PIGG: variants seen among roughly 807,000 people sequenced by gnomAD.
PIGG encodes GPI ethanolamine phosphate transferase 2, catalytic subunit.
A neutral mutation model predicts 83.2 loss-of-function variants in PIGG; 70 were observed. The ratio of observed to expected loss-of-function variants is 0.84; its 90% CI spans 0.69 to 1.03. The LOEUF (loss-of-function observed/expected upper bound fraction) is 1.03, where lower values mean the gene tolerates loss of function less well. PIGG is among the 50% of genes least tolerant of loss of function. The pLI, the probability that PIGG is intolerant of heterozygous loss-of-function variation, is 0.00. For missense variants in PIGG, 1,257 were observed against 1,233.6 expected, an observed-to-expected ratio of 1.02 and a Z score of -0.28; for synonymous variants, 532 against 519.5, an observed-to-expected ratio of 1.02 and a Z score of -0.33.
chr4:512,607 A>G lies in PIGG; in HGVS notation c.902-3366A>G, dbSNP rs572271022. Among the ~76,000 whole-genome samples, 933 of 151,972 alleles carry G rather than the reference A, an allele frequency of 6.1e-3. 5 individuals are homozygous for G. The highest frequency in any genetic ancestry group is 0.013 in the African/African-American group (530 of 41,468). On this transcript the variant is annotated intron_variant, in intron 5 of 12. Transcript: ENST00000453061. ...CAAGGCGGGTGGATCACAAGGGCAG[A>G]AGTTCGAGACCAGCCTGACCAACAC...
chr4:523,480 A>C lies in PIGG; in HGVS notation c.1636A>C (p.Arg546=). The change falls in exon 9 of 13, where the codon AGG becomes CGG. Residue 546 remains arginine, a synonymous_variant. Coordinates refer to ENST00000453061, the MANE Select transcript of PIGG (RefSeq NM_001127178.3). The part of the protein sequence containing the change: ...PRKNPMHPSS[R]WSELDLLILL... ...ACAGAACCCCATGCATCCCAGCTCAAGGTGGTCAGAGCTAGACCTTCTTAT... is the reference window on the plus strand; with the variant it reads ...ACAGAACCCCATGCATCCCAGCTCACGGTGGTCAGAGCTAGACCTTCTTAT... 6.2e-7 allele frequency: 1 copy of C among 1,610,178 alleles called. No individual in the cohort carries two copies. The highest frequency in any genetic ancestry group is 8.5e-7 in the Non-Finnish European group (1 of 1,177,158).
At position 515,325 on chromosome 4, in the gene PIGG, G is replaced by T. The variant is rs962754038; in HGVS notation, c.902-648G>T. Among the ~76,000 whole-genome samples the T allele has an allele frequency of 6.6e-6, 1 of 152,208 alleles. No homozygotes were observed. The highest frequency in any genetic ancestry group is 1.5e-5 in the Non-Finnish European group (1 of 68,042). ...GGCAGAGCAGTGGCCTAGGCCCATG[G>T]TGCTGACATCACAGCCATTCTTGCA... On this transcript the variant is annotated intron_variant, in intron 5 of 12. Coordinates refer to ENST00000453061, the MANE Select transcript of PIGG (RefSeq NM_001127178.3). This position sits in a 1 kb window ranked among gnomAD's most constrained non-coding sequence, Gnocchi z 4.2.
intron 2 of PIGG, among the ~76,000 whole-genome samples, chr4:501,400 G>C (rs1717680381): frequency 6.6e-6 from 1 of 152,252 alleles, no homozygotes; most frequent in African/African-American, 2.4e-5. Context: ...AAGCCTGGCT[G>C]AGGAAATTGC....
intron 5 of PIGG, among the ~76,000 whole-genome samples, chr4:512,633 G>A (rs1268832315): frequency 2.0e-5 from 3 of 151,788 alleles, no homozygotes; most frequent in Admixed American, 6.6e-5. Context: ...TGACCAACAC[G>A]GTGAAACCCC....
At position 513,056 on chromosome 4, in the gene PIGG, G is replaced by C. The variant is rs1218770935; in HGVS notation, c.902-2917G>C. ...CCCACTGGGCTAGGAGGGGGAGGGA[G>C]GGAGCAGGCCACGGTTCAAGGGCTG... On this transcript the variant is annotated intron_variant, in intron 5 of 12. Transcript: ENST00000453061. Among the ~76,000 whole-genome samples, 4 of 152,180 alleles carry C rather than the reference G, an allele frequency of 2.6e-5. 1 individual carries two copies.
chr4:523,930 G>A lies in PIGG; in HGVS notation c.2069+17G>A, dbSNP rs1033451347. ...GCTCACCAGGTGAGAGCGTAGGCCCGTGGCCACAGGCCAGACTTTCTACGG... is the reference window on the plus strand; with the variant it reads ...GCTCACCAGGTGAGAGCGTAGGCCCATGGCCACAGGCCAGACTTTCTACGG... On this transcript the variant is annotated intron_variant, in intron 9 of 12. Coordinates refer to ENST00000453061, the MANE Select transcript of PIGG (RefSeq NM_001127178.3). The A allele has an allele frequency of 1.3e-5, 19 of 1,462,238 alleles. No homozygotes were observed. The highest frequency in any genetic ancestry group is 4.1e-5 in the South Asian group (3 of 73,726). The allele number at this position is 1,462,238 out of a possible 1,614,324, so 90.6% of individuals were successfully genotyped here.
chr4:525,940 C>G (rs889065958), intron 9 of PIGG: 1 of 152,222 alleles, frequency 6.6e-6, no homozygotes, highest in African/African-American at 2.4e-5. Context: ...TGTCAGGGAG[C>G]TCCGTGTCCC....
intron 6 of PIGG, among the ~76,000 whole-genome samples, chr4:520,597 G>A (rs139536945): frequency 7.4e-4 from 112 of 152,360 alleles, no homozygotes; most frequent in Non-Finnish European, 6.5e-4. Flanking sequence ...GGGTCAGGCC[G>A]CTGCCTGCCC....
At chr4:514,673 C>T (rs900188812) in intron 5 of PIGG, among the ~76,000 whole-genome samples, 1 of 152,270 alleles carries the variant, frequency 6.6e-6, no homozygotes, top group African/African-American at 2.4e-5. Context: ...ATCGATTCAC[C>T]TTCAAAACTG....
intron 10 of PIGG, 141 bp downstream of exon 10, chr4:527,371 T>C: frequency 2.2e-6 from 3 of 1,391,392 alleles, no homozygotes; most frequent in Non-Finnish European, 2.8e-6. Flanking sequence ...GTTTGGTGTT[T>C]GTGAATTGTG....
intron 6 of PIGG, among the ~76,000 whole-genome samples, chr4:516,918 G>C (rs1284709055): frequency 6.6e-6 from 1 of 151,944 alleles, no homozygotes; most frequent in African/African-American, 2.4e-5. Context: ...TGAAGCGGGT[G>C]GGGGAGCCAC....
chr4:515,828 A>G lies in PIGG; in HGVS notation c.902-145A>G. 1.5e-6 allele frequency: 1 copy of G among 668,280 alleles called. No homozygotes were observed. Among genetic ancestry groups the G allele is most frequent in the Admixed American group, 2.4e-5 (1 of 40,946 alleles). 41.4% of individuals were successfully genotyped at this position (668,280 alleles called of 1,614,324 possible). On this transcript the variant is annotated intron_variant, in intron 5 of 12. Transcript: ENST00000453061. This position sits in a 1 kb window ranked among gnomAD's most constrained non-coding sequence, Gnocchi z 4.2. ...TAACTATCAACACAGCAAGCACAGG[A>G]GGTGATTCCTGTACGATTCTGTGTT...
intron 5 of PIGG, among the ~76,000 whole-genome samples, chr4:514,117 A>G (rs1373006100): frequency 6.6e-6 from 1 of 152,254 alleles, no homozygotes; most frequent in Non-Finnish European, 1.5e-5. Flanking sequence ...TCACAGTCGT[A>G]TAATAAACCC....
At chr4:511,975 C>T (rs564010569) in intron 5 of PIGG, among the ~76,000 whole-genome samples, 372 of 152,168 alleles carry the variant, frequency 2.4e-3, no homozygotes, top group African/African-American at 8.6e-3. Flanking sequence ...AATTGGGTTT[C>T]CCATTTCTTT....
intron 11 of PIGG, 45 bp downstream of exon 11, chr4:530,790 A>G (rs768391301): frequency 3.1e-6 from 4 of 1,286,828 alleles, no homozygotes; most frequent in Non-Finnish European, 4.4e-6. Flanking sequence ...CATGTTTTAC[A>G]TATTTATTTT....
In PIGG at chr4:528,153, TAGGC is replaced by T. The variant is rs1378667106; in HGVS notation, c.2261+926_2261+929del. On this transcript the variant is annotated intron_variant, in intron 10 of 12. Coordinates refer to ENST00000453061, the MANE Select transcript of PIGG (RefSeq NM_001127178.3). The surrounding 1 kb of genome is among the most constrained non-coding windows in gnomAD (Gnocchi z 4.8). ...CTCTGCAGAGGGGTCTTCTGGCTGT[TAGGC>T]AGCCTATTTTCACAGAACAGAGAAG... 3.0e-6 allele frequency: 3 copies of T among 985,184 alleles called. No homozygotes were observed. The highest frequency in any genetic ancestry group is 3.6e-6 in the Non-Finnish European group (3 of 829,878). The allele number at this position is 985,184 out of a possible 1,614,324, so 61.0% of individuals were successfully genotyped here.
chr4:505,597 C>T, intron 2 of PIGG, 121 bp from the exon 3 acceptor site: 1 of 666,802 alleles, frequency 1.5e-6, no homozygotes, highest in Non-Finnish European at 2.6e-6. Context: ...TGCATGACTG[C>T]ACTCCATCCT....
At position 526,020 on chromosome 4, in the gene PIGG, C is replaced by T. The variant is rs565591909; in HGVS notation, c.2070-1019C>T. On this transcript the variant is annotated intron_variant, in intron 9 of 12. Transcript: ENST00000453061. Reference sequence around the variant, plus strand: ...AAAGCATTAGGAAAGAATTGGCTGGCTTTCCGCCCCACATGCAAGAGCCAC... The same window carrying T: ...AAAGCATTAGGAAAGAATTGGCTGGTTTTCCGCCCCACATGCAAGAGCCAC... Among the ~76,000 whole-genome samples, 20 of 152,150 alleles carry T rather than the reference C, an allele frequency of 1.3e-4. No homozygotes were observed. In the South Asian group the frequency reaches 3.3e-3, roughly 25 times the overall value.
Position 515,023 on chromosome 4 carries a change from C to T in PIGG, c.902-950C>T, listed in dbSNP as rs1040264631. ...TTCTTTCTAAGCATGACCTAGAAGCCGTCATTAGAGAGTTGGCCAAGACCT... is the reference window on the plus strand; with the variant it reads ...TTCTTTCTAAGCATGACCTAGAAGCTGTCATTAGAGAGTTGGCCAAGACCT... On this transcript the variant is annotated intron_variant, in intron 5 of 12. Transcript: ENST00000453061. The surrounding 1 kb of genome is among the most constrained non-coding windows in gnomAD (Gnocchi z 4.2). 1.6e-4 allele frequency among the ~76,000 whole-genome samples: 25 copies of T among 152,280 alleles called. No individual in the cohort carries two copies. The highest frequency in any genetic ancestry group is 3.9e-4 in the East Asian group (2 of 5,188).
Sources: gnomAD v4.1 joint callset for allele counts (sites outside exome capture counted in the v4.1 genomes callset) on GRCh38, gnomAD v4.1.1 for gene constraint, Gnocchi (gnomAD v3.1) non-coding constraint, MANE v1.5 for transcripts, NCBI Gene and HGNC (gene_info 2026-07-23, HGNC 2026-07-21) for gene names.